The following PIGS variants were observed in gnomAD, a reference collection of about 807,000 sequenced individuals.
PIGS encodes GPI-anchor transamidase component PIGS.
Under a neutral mutation model 58.2 loss-of-function variants are expected in PIGS, and 37 were observed. That is an observed-to-expected ratio of 0.64 (90% CI 0.49 to 0.84). PIGS has a LOEUF of 0.84. PIGS is among the 40% of genes least tolerant of loss of function. PIGS has a pLI of 0.00. For missense variants in PIGS, 629 were observed against 710.8 expected, an observed-to-expected ratio of 0.88 and a Z score of 1.31; for synonymous variants, 269 against 289.2, an observed-to-expected ratio of 0.93 and a Z score of 0.71.
intron 5 of PIGS, among the ~76,000 whole-genome samples, chr17:28,562,785 C>T (rs1362291783): frequency 6.6e-6 from 1 of 151,732 alleles, no homozygotes; most frequent in African/African-American, 2.4e-5. Flanking sequence ...GATATTAGCT[C>T]ACTGCAACCT....
chr17:28,568,637 T>C (rs2070407117), intron 3 of PIGS, among the ~76,000 whole-genome samples: 1 of 152,208 alleles, frequency 6.6e-6, no homozygotes, highest in Non-Finnish European at 1.5e-5. Context: ...TGATCCCAGA[T>C]TCTATACTCT....
chr17:28,554,701 C>T, intron 11 of PIGS, 150 bp downstream of exon 11: 1 of 1,204,758 alleles, frequency 8.3e-7, no homozygotes, highest in Non-Finnish European at 1.2e-6. Context: ...TGCTTGGGGG[C>T]TGGTACTGCC....
Position 28,566,402 on chromosome 17 carries a change from T to C in PIGS, c.287-2495A>G, listed in dbSNP as rs142180332. Reference sequence around the variant, plus strand: ...GCCTCCCCATTTCAAGCAATTCTCCTACCTCAGCCTTCCAAGTAGCTGGGA... The same window carrying C: ...GCCTCCCCATTTCAAGCAATTCTCCCACCTCAGCCTTCCAAGTAGCTGGGA... On this transcript the variant is annotated intron_variant, in intron 3 of 11. Coordinates refer to ENST00000308360, the MANE Select transcript of PIGS (RefSeq NM_033198.4). 3.9e-3 allele frequency among the ~76,000 whole-genome samples: 591 copies of C among 150,942 alleles called. 2 individuals are homozygous for C. Among genetic ancestry groups the C allele is most frequent in the Non-Finnish European group, 6.9e-3 (470 of 67,718 alleles).
At chr17:28,563,356 A>C (rs998157197) in intron 5 of PIGS, 75 bp downstream of exon 5, 1 of 1,229,096 alleles carries the variant, frequency 8.1e-7, no homozygotes, top group Admixed American at 1.8e-5. Context: ...GGTAGCAATG[A>C]TGCAAGAAGG....
intron 10 of PIGS, 167 bp downstream of exon 10, chr17:28,555,999 C>G: frequency 3.2e-6 from 2 of 619,086 alleles, no homozygotes; most frequent in Admixed American, 3.0e-5. Context: ...TTGTCACCTA[C>G]TAGTCCTTCT....
chr17:28,571,179 C>G lies in PIGS; in HGVS notation c.44G>C (p.Arg15Pro), dbSNP rs754907687. The change falls in exon 2 of 12, where the codon CGG becomes CCG. Residue 15 changes from arginine to proline, a missense_variant. Coordinates refer to ENST00000308360, the MANE Select transcript of PIGS (RefSeq NM_033198.4). ...GAAATHLEVA[R>P]GKRAALFFAA... ...GAAGAAGAGGGCGGCGCGCTTGCCC[C>G]GGGCCACCTCTGAGGGCATGGGGAA... 3.8e-5 allele frequency: 61 copies of G among 1,612,924 alleles called. No homozygotes were observed. The Admixed American group carries it at 1.0e-3, about 26-fold the overall frequency.
chr17:28,558,734 C>T (rs1192956672), intron 7 of PIGS, 144 bp from the exon 8 acceptor site: 1 of 649,444 alleles, frequency 1.5e-6, no homozygotes, highest in Non-Finnish European at 2.6e-6. Flanking sequence ...AAAATAATTG[C>T]AGAAGAAAAT....
intron 3 of PIGS, 97 bp from the exon 4 acceptor site, chr17:28,564,004 G>T: frequency 9.6e-7 from 1 of 1,040,418 alleles, no homozygotes; most frequent in Non-Finnish European, 1.5e-6. Flanking sequence ...AGGACAGCAA[G>T]ATGGCTGTTT....
At position 28,553,944 on chromosome 17, in the gene PIGS, G is replaced by A. The variant is rs1597581807; in HGVS notation, c.*276C>T. On this transcript the variant is annotated 3_prime_UTR_variant, in exon 12 of 12. Transcript: ENST00000308360. ...AGAACAAACAGTCCTTGCCACAGAGGGAGACAGGCAGCAGCCTTATCAAAC... is the reference window on the plus strand; with the variant it reads ...AGAACAAACAGTCCTTGCCACAGAGAGAGACAGGCAGCAGCCTTATCAAAC... 2 of 475,676 alleles carry A rather than the reference G, an allele frequency of 4.2e-6. No individual in the cohort carries two copies. The highest frequency in any genetic ancestry group is 4.0e-5 in the East Asian group (1 of 25,024). 29.5% of individuals were successfully genotyped at this position (475,676 alleles called of 1,614,324 possible).
chr17:28,566,204 G>A (rs1274521840), intron 3 of PIGS, among the ~76,000 whole-genome samples: 1 of 133,300 alleles, frequency 7.5e-6, no homozygotes, highest in East Asian at 2.4e-4. Flanking sequence ...CTGCACTTCA[G>A]CCTGAGTGTC....
At position 28,571,322 on chromosome 17, in the gene PIGS, C is replaced by G. The variant is rs573426838; in HGVS notation, c.35-134G>C. 1.8e-5 allele frequency: 27 copies of G among 1,516,332 alleles called. No homozygotes were observed. The African/African-American group carries it at 3.0e-4, about 17-fold the overall frequency. The allele number at this position is 1,516,332 out of a possible 1,614,324, so 93.9% of individuals were successfully genotyped here. ...GGGATCTCCGTGCGAAGGGACCCGGCCCAAGCCTGAAGGGAATCTCGTCTG... is the reference window on the plus strand; with the variant it reads ...GGGATCTCCGTGCGAAGGGACCCGGGCCAAGCCTGAAGGGAATCTCGTCTG... On this transcript the variant is annotated intron_variant, in intron 1 of 11. Transcript: ENST00000308360.
chr17:28,560,100 T>A lies in PIGS; in HGVS notation c.768A>T (p.Gln256His). The A allele has an allele frequency of 6.2e-7, 1 of 1,613,186 alleles. No individual in the cohort carries two copies. The highest frequency in any genetic ancestry group is 8.5e-7 in the Non-Finnish European group (1 of 1,179,660). Reference sequence around the variant, plus strand: ...CGGCACCGAGGGCATTCAGGAAAGGTTGCACATAGCGCCGGACAGCCCCCT... The same window carrying A: ...CGGCACCGAGGGCATTCAGGAAAGGATGCACATAGCGCCGGACAGCCCCCT... ...DIEGAVRRYV[Q>H]PFLNALGAAG... Residue 256 changes from glutamine to histidine, a missense_variant, in exon 7 of 12, where the codon CAA becomes CAT. Coordinates refer to ENST00000308360, the MANE Select transcript of PIGS (RefSeq NM_033198.4).
intron 5 of PIGS, among the ~76,000 whole-genome samples, chr17:28,563,121 C>T (rs989343811): frequency 1.3e-5 from 2 of 152,082 alleles, no homozygotes; most frequent in South Asian, 2.1e-4. Context: ...GCCTGACCAA[C>T]GTGGTGAAAC....
chr17:28,557,161 A>T, intron 8 of PIGS, 189 bp from the exon 9 acceptor site: 1 of 615,790 alleles, frequency 1.6e-6, no homozygotes, highest in Non-Finnish European at 2.8e-6. Context: ...TGCCATACCG[A>T]TGGAAACATA....
At chr17:28,564,447 C>T (rs1307924468) in intron 3 of PIGS, among the ~76,000 whole-genome samples, 1 of 152,136 alleles carries the variant, frequency 6.6e-6, no homozygotes, top group East Asian at 1.9e-4. Context: ...GACATGGTGG[C>T]TCACACCTGT....
intron 9 of PIGS, chr17:28,556,591 C>A: frequency 1.4e-6 from 1 of 701,558 alleles, no homozygotes; most frequent in South Asian, 1.6e-5. Flanking sequence ...AAGATGGACA[C>A]AGAATGATCC....
intron 3 of PIGS, among the ~76,000 whole-genome samples, chr17:28,567,056 T>C (rs760595501): frequency 2.0e-5 from 3 of 152,170 alleles, no homozygotes; most frequent in Admixed American, 2.0e-4. Context: ...AAGCATTATC[T>C]TGTGACTGCT....
intron 4 of PIGS, 93 bp from the exon 5 acceptor site, chr17:28,563,615 TTCAGCTGACACAGTGG>T (rs1203188998): frequency 1.5e-6 from 2 of 1,305,660 alleles, no homozygotes; most frequent in Admixed American, 3.6e-5. Context: ...TTCACTCACA[TTCAGCTGACACAGTGG>T]TCAGGCTTGG....
chr17:28,560,463 G>C, intron 6 of PIGS: 2 of 368,198 alleles, frequency 5.4e-6, no homozygotes, highest in Non-Finnish European at 9.8e-6. Context: ...GGCCATCATG[G>C]AGAAACCCCA....
Sources: gnomAD v4.1 joint callset for allele counts (sites outside exome capture counted in the v4.1 genomes callset) on GRCh38, gnomAD v4.1.1 for gene constraint, MANE v1.5 for transcripts, NCBI Gene and HGNC (gene_info 2026-07-23, HGNC 2026-07-21) for gene names.